The following SLC24A2 variants were observed in gnomAD, a reference collection of about 807,000 sequenced individuals.
SLC24A2 encodes the protein solute carrier family 24 member 2, also known as sodium/potassium/calcium exchanger 2.
In SLC24A2, 36 loss-of-function variants were observed where a neutral mutation model predicts 62.0. The observed-to-expected ratio is 0.58, with a 90% CI of 0.44 to 0.77. The LOEUF is 0.77. Among genes scored for constraint, SLC24A2 ranks in the 30% least tolerant of loss-of-function variants. The pLI is 0.00. For missense variants in SLC24A2, 846 were observed against 817.9 expected (o/e 1.03, Z -0.42); for synonymous variants, 358 against 294.0 (o/e 1.22, Z -2.23).
At chr9:20,134,795 C>T in the SLC24A2 span, among the ~76,000 whole-genome samples, 1 of 152,168 alleles carries the variant, frequency 6.6e-6, no homozygotes, top group Non-Finnish European at 1.5e-5. Flanking sequence ...ATTCAAGTGA[C>T]TCACTAAATT....
the SLC24A2 span, among the ~76,000 whole-genome samples, chr9:20,235,712 G>A: frequency 1.6e-4 from 24 of 152,106 alleles, no homozygotes; most frequent in African/African-American, 4.1e-4. Flanking sequence ...GCTTCGGCTC[G>A]CACACGGTGT....
the SLC24A2 span, among the ~76,000 whole-genome samples, chr9:20,088,606 G>C: frequency 6.6e-6 from 1 of 152,172 alleles, no homozygotes; most frequent in African/African-American, 2.4e-5. Flanking sequence ...TCGCTGTTTT[G>C]CATCCTTAGC....
chr9:20,201,182 A>G, the SLC24A2 span, among the ~76,000 whole-genome samples: 1,133 of 152,330 alleles, frequency 7.4e-3, 8 homozygotes, highest in Non-Finnish European at 0.011. Flanking sequence ...GCTAATAGCT[A>G]TCATGAGCTC....
rs889823850 is a variant in SLC24A2, at chr9:19,514,513, T to TC, written c.*1639_*1640insG. 1.3e-5 allele frequency: 2 copies of TC among 152,176 alleles called. No homozygotes were observed. Among genetic ancestry groups the TC allele is most frequent in the African/African-American group, 4.8e-5 (2 of 41,446 alleles). 9.4% of individuals were successfully genotyped at this position (152,176 alleles called of 1,614,324 possible). On this transcript the variant is annotated 3_prime_UTR_variant, in exon 11 of 11. Transcript: ENST00000341998. ...TTCCATTGATTCAGTTTGCCTATTT[T>TC]TTCCCCCTTGCTGGCTTTATTTTCG... is the stretch of plus-strand genomic sequence containing the variant.
rs1197269168 is a variant in SLC24A2 at position 19,632,779 on chromosome 9, G to A, written c.931-10480C>T. On this transcript the variant is annotated intron_variant, in intron 2 of 10. Transcript: ENST00000341998. This position sits in a 1 kb window ranked among gnomAD's most constrained non-coding sequence, Gnocchi z 4.5. ...TCATTAAAACTAGGAAGTTGGCATTGGTACAATCTATGGAACTCATTCAGA... is the reference window on the plus strand; with the variant it reads ...TCATTAAAACTAGGAAGTTGGCATTAGTACAATCTATGGAACTCATTCAGA... Among the ~76,000 whole-genome samples the A allele has an allele frequency of 2.6e-5, 4 of 152,142 alleles. No homozygotes were observed. Among genetic ancestry groups the A allele is most frequent in the South Asian group, 2.1e-4 (1 of 4,832 alleles).
intron 2 of SLC24A2, among the ~76,000 whole-genome samples, chr9:19,690,824 T>C (rs1483264910): frequency 3.3e-5 from 5 of 152,126 alleles, no homozygotes; most frequent in Non-Finnish European, 7.4e-5. Context: ...ATAATGAATG[T>C]GCACAGTACA....
At chr9:20,196,645 C>G in the SLC24A2 span, among the ~76,000 whole-genome samples, 1 of 152,204 alleles carries the variant, frequency 6.6e-6, no homozygotes, top group Non-Finnish European at 1.5e-5. Flanking sequence ...AGCTAATACA[C>G]CACTTTAGTT....
At chr9:20,276,746 C>A in the SLC24A2 span, among the ~76,000 whole-genome samples, 1 of 152,240 alleles carries the variant, frequency 6.6e-6, no homozygotes, top group Admixed American at 6.5e-5. Flanking sequence ...CCTCTGAAAT[C>A]TAGGCGGAGG....
chr9:20,087,827 C>A, the SLC24A2 span, among the ~76,000 whole-genome samples: 1 of 151,660 alleles, frequency 6.6e-6, no homozygotes, highest in East Asian at 1.9e-4. Flanking sequence ...ACAACCCAAC[C>A]CACAGAGAAT....
At chr9:19,714,870 C>G (rs1820814941) in intron 2 of SLC24A2, among the ~76,000 whole-genome samples, 1 of 152,008 alleles carries the variant, frequency 6.6e-6, no homozygotes, top group Non-Finnish European at 1.5e-5. Context: ...CATGTTTGCC[C>G]TACATATCTG....
At chr9:20,271,693 T>G in the SLC24A2 span, among the ~76,000 whole-genome samples, 204 of 152,320 alleles carry the variant, frequency 1.3e-3, no homozygotes, top group African/African-American at 4.8e-3. Flanking sequence ...TTAAAGCATC[T>G]ACAAGCAACA....
At chr9:19,525,822 G>T in intron 9 of SLC24A2, among the ~76,000 whole-genome samples, 1 of 141,446 alleles carries the variant, frequency 7.1e-6, no homozygotes, top group Admixed American at 7.2e-5. Flanking sequence ...GTGATATCTT[G>T]GATTAGTTTC....
intron 7 of SLC24A2, among the ~76,000 whole-genome samples, chr9:19,572,972 A>G (rs746726376): frequency 9.2e-5 from 14 of 152,346 alleles, no homozygotes; most frequent in South Asian, 2.1e-4. Flanking sequence ...TTTATCATAC[A>G]TTAAAAATCA....
chr9:19,797,859 G>C, the SLC24A2 span, among the ~76,000 whole-genome samples: 3 of 152,198 alleles, frequency 2.0e-5, no homozygotes, highest in Non-Finnish European at 2.9e-5. Context: ...GGGGAACGGT[G>C]TTTGCAGATA....
chr9:19,769,743 CA>C (rs940631513), intron 2 of SLC24A2, among the ~76,000 whole-genome samples: 1 of 152,100 alleles, frequency 6.6e-6, no homozygotes, highest in African/African-American at 2.4e-5. Context: ...TTCCACACTC[CA>C]AGCCATGAGT....
chr9:20,285,233 A>G, the SLC24A2 span, among the ~76,000 whole-genome samples: 1 of 152,212 alleles, frequency 6.6e-6, no homozygotes, highest in African/African-American at 2.4e-5. Flanking sequence ...ATGTGGAAAT[A>G]GGGCCTTATA....
chr9:19,542,906 T>C (rs913820938), intron 8 of SLC24A2, among the ~76,000 whole-genome samples: 7 of 152,294 alleles, frequency 4.6e-5, no homozygotes, highest in African/African-American at 1.7e-4. Flanking sequence ...TCTTTTTTTG[T>C]TGTGTCTCTG....
At chr9:19,790,114 C>G (rs530012027), upstream of SLC24A2, among the ~76,000 whole-genome samples, 3 of 151,598 alleles carry the variant, frequency 2.0e-5, no homozygotes, top group Admixed American at 2.0e-4. Context: ...TTTTCTTTCT[C>G]CTTTCGAGAC....
At chr9:19,963,009 T>A in the SLC24A2 span, among the ~76,000 whole-genome samples, 1 of 152,204 alleles carries the variant, frequency 6.6e-6, no homozygotes, top group African/African-American at 2.4e-5. Flanking sequence ...CATAGATAGC[T>A]CTTATTATTT....
Sources: gnomAD v4.1 joint callset for allele counts (sites outside exome capture counted in the v4.1 genomes callset) on GRCh38, gnomAD v4.1.1 for gene constraint, Gnocchi (gnomAD v3.1) non-coding constraint, MANE v1.5 for transcripts, NCBI Gene and HGNC (gene_info 2026-07-23, HGNC 2026-07-21) for gene names.